HNF4A: variants seen among roughly 807,000 people sequenced by gnomAD.
The protein encoded by HNF4A is hepatocyte nuclear factor 4 alpha, also known as hepatocyte nuclear factor 4-alpha.
Under a neutral mutation model 52.4 loss-of-function variants are expected in HNF4A, and 15 were observed. The observed-to-expected ratio is 0.29, with a 90% CI of 0.19 to 0.44. The LOEUF (loss-of-function observed/expected upper bound fraction) is 0.44. HNF4A is among the 20% of genes least tolerant of loss of function. The pLI is 1.00. For synonymous variants in HNF4A, 280 were observed against 264.4 expected, an observed-to-expected ratio of 1.06 and a Z score of -0.57; for missense variants, 479 against 647.2, an observed-to-expected ratio of 0.74 and a Z score of 2.82.
chr20:44,429,791 G>A lies in HNF4A; in HGVS notation c.*126G>A, dbSNP rs2063856962. On this transcript the variant is annotated 3_prime_UTR_variant, in exon 10 of 10. Transcript: ENST00000316099. ...CCAGTCCCAGAGCAGGAATGGGAAG[G>A]ATGAAGGGCCCGAGAACATGGCCTA... is the stretch of plus-strand genomic sequence containing the variant. 6 of 1,005,828 alleles carry A rather than the reference G, an allele frequency of 6.0e-6. No individual in the cohort carries two copies. Among genetic ancestry groups the A allele is most frequent in the Non-Finnish European group, 9.1e-6 (6 of 661,542 alleles). 62.3% of individuals were successfully genotyped at this position (1,005,828 alleles called of 1,614,324 possible).
At chr20:44,415,851 A>T (rs1349519361) in intron 5 of HNF4A, among the ~76,000 whole-genome samples, 1 of 152,070 alleles carries the variant, frequency 6.6e-6, no homozygotes, top group Non-Finnish European at 1.5e-5. Flanking sequence ...TCCTTCCATT[A>T]GCAGAGTCGA....
chr20:44,408,000 CAA>C, intron 3 of HNF4A: 2 of 225,786 alleles, frequency 8.9e-6, no homozygotes, highest in South Asian at 1.5e-4. Context: ...AAAATGGGAA[CAA>C]GACCCCAGAC....
At chr20:44,411,881 C>A (rs558930581) in intron 3 of HNF4A, among the ~76,000 whole-genome samples, 3 of 150,670 alleles carry the variant, frequency 2.0e-5, no homozygotes, top group Non-Finnish European at 2.9e-5. Context: ...CCTAATGAGA[C>A]CCCGTCTCTC....
chr20:44,398,702 T>C (rs1002382079), upstream of HNF4A, among the ~76,000 whole-genome samples: 1 of 152,234 alleles, frequency 6.6e-6, no homozygotes, highest in Admixed American at 6.5e-5. Flanking sequence ...AGGTATGTCA[T>C]GATTCATGTA....
At position 44,407,441 on chromosome 20, in the gene HNF4A, C is replaced by G; in HGVS notation, c.351C>G (p.Leu117=). 6.2e-7 allele frequency: 1 copy of G among 1,608,956 alleles called. No individual in the cohort carries two copies. The highest frequency in any genetic ancestry group is 8.5e-7 in the Non-Finnish European group (1 of 1,177,380). ...GGAACCAGTGCCGCTACTGCAGGCT[C>G]AAGAAATGCTTCCGGGCTGGCATGA... is the stretch of plus-strand genomic sequence containing the variant. Residue 117 remains leucine, a synonymous_variant, in exon 3 of 10, where the codon CTC becomes CTG. Coordinates refer to ENST00000316099, the MANE Select transcript of HNF4A (RefSeq NM_000457.6).
chr20:44,374,578 C>G (rs1179358790), intron 1 of HNF4A, among the ~76,000 whole-genome samples: 1 of 152,196 alleles, frequency 6.6e-6, no homozygotes, highest in Non-Finnish European at 1.5e-5. Flanking sequence ...ATTCTCCTGT[C>G]TCAGCCTCCC....
At chr20:44,399,070 G>A (rs2063378765), upstream of HNF4A, among the ~76,000 whole-genome samples, 2 of 152,310 alleles carry the variant, frequency 1.3e-5, no homozygotes, top group South Asian at 4.1e-4. Flanking sequence ...TCTCTTCTGT[G>A]TTTACCCCTT....
Position 44,358,408 on chromosome 20 carries a change from G to A in HNF4A, c.49+2555G>A, listed in dbSNP as rs181369626. On this transcript the variant is annotated intron_variant, in intron 1 of 9. Coordinates refer to the HNF4A transcript ENST00000316673. ...GCAGATAACTTGAGATTAGGAGTTC[G>A]AGACCAGCCTGGCCAACATGGCAAA... Among the ~76,000 whole-genome samples, 1,319 of 152,054 alleles carry A rather than the reference G, an allele frequency of 8.7e-3. 26 individuals are homozygous for A. The highest frequency in any genetic ancestry group is 0.031 in the African/African-American group (1,267 of 41,488).
rs1280663753 is a variant in HNF4A at position 44,414,547 on chromosome 20, CGAA to C, written c.539_541del (p.Lys180del). The C allele has an allele frequency of 1.2e-6, 2 of 1,614,216 alleles. No individual in the cohort carries two copies. Among genetic ancestry groups the C allele is most frequent in the Admixed American group, 3.3e-5 (2 of 60,030 alleles). On this transcript the variant is annotated inframe_deletion, in exon 5 of 10. Coordinates refer to ENST00000316099, the MANE Select transcript of HNF4A (RefSeq NM_000457.6). The stretch of plus-strand genomic sequence containing the variant: ...TCCGGGATCAACGGCGACATTCGGG[CGAA>C]GAAGATTGCCAGCATCGCAGATGTG...
chr20:44,415,222 G>C (rs1329502447), intron 5 of HNF4A, among the ~76,000 whole-genome samples: 1 of 152,166 alleles, frequency 6.6e-6, no homozygotes, highest in Non-Finnish European at 1.5e-5. Flanking sequence ...GAGGACATTG[G>C]TGTCTGAAAA....
At chr20:44,400,034 G>A (rs1405549383), upstream of HNF4A, among the ~76,000 whole-genome samples, 2 of 152,200 alleles carry the variant, frequency 1.3e-5, no homozygotes, top group East Asian at 3.9e-4. Flanking sequence ...CCTTGAAAAT[G>A]TCTGCACAGA....
rs1442032000 is a variant in HNF4A at position 44,432,108 on chromosome 20, CCT to C, written c.*2446_*2447del. ...CCTCCTCCCTCCAGCGTTGCTCAGACCTCTGTCTTGGGAGAAAGGTTGAGATA... is the reference window on the plus strand; with the variant it reads ...CCTCCTCCCTCCAGCGTTGCTCAGACCTGTCTTGGGAGAAAGGTTGAGATA... On this transcript the variant is annotated 3_prime_UTR_variant, in exon 10 of 10. Transcript: ENST00000316099. 6.6e-6 allele frequency: 1 copy of C among 152,178 alleles called. No individual in the cohort carries two copies. The highest frequency in any genetic ancestry group is 6.5e-5 in the Admixed American group (1 of 15,284). The allele number at this position is 152,178 out of a possible 1,614,324, so 9.4% of individuals were successfully genotyped here. A position where few individuals can be genotyped will look rare whatever the true frequency, so the allele number is the denominator to read the frequency against.
Position 44,425,481 on chromosome 20 carries a change from G to C in HNF4A, c.1129+1227G>C, listed in dbSNP as rs1276515188. On this transcript the variant is annotated intron_variant, in intron 8 of 9. Transcript: ENST00000316099. The stretch of plus-strand genomic sequence containing the variant: ...TGCTGATTGATCAGACATAGGGAGT[G>C]AGAGAAAGAGGAAGAGTCAAGGACA... 3.3e-5 allele frequency among the ~76,000 whole-genome samples: 5 copies of C among 152,178 alleles called. No individual in the cohort carries two copies. The East Asian group carries it at 9.6e-4, about 29-fold the overall frequency.
At chr20:44,378,587 G>A (rs368506239) in intron 1 of HNF4A, among the ~76,000 whole-genome samples, 2 of 151,900 alleles carry the variant, frequency 1.3e-5, no homozygotes, top group Non-Finnish European at 2.9e-5. Flanking sequence ...TAAACGTACA[G>A]TTCAGAGACA....
chr20:44,401,153 C>T (rs1042019284), upstream of HNF4A: 76 of 1,391,646 alleles, frequency 5.5e-5, 1 homozygote, highest in African/African-American at 1.7e-4. Context: ...GCCTATCCAC[C>T]GGCGGGGGAC....
chr20:44,357,612 T>C (rs1038749330), intron 1 of HNF4A, among the ~76,000 whole-genome samples: 1 of 152,166 alleles, frequency 6.6e-6, no homozygotes, highest in Non-Finnish European at 1.5e-5. Flanking sequence ...TAGGATGTCC[T>C]CATGTCTCTT....
At chr20:44,412,866 A>G (rs1266075893) in intron 3 of HNF4A, among the ~76,000 whole-genome samples, 1 of 152,080 alleles carries the variant, frequency 6.6e-6, no homozygotes, top group African/African-American at 2.4e-5. Context: ...AGGGAAACTG[A>G]GCCCCAGAGA....
chr20:44,395,863 T>A (rs1425803086), intron 1 of HNF4A, among the ~76,000 whole-genome samples: 1 of 151,880 alleles, frequency 6.6e-6, no homozygotes, highest in Non-Finnish European at 1.5e-5. Flanking sequence ...GAGTGGTGGG[T>A]GGGGAAGAAA....
At chr20:44,416,674 A>G (rs558954119) in intron 5 of HNF4A, among the ~76,000 whole-genome samples, 2 of 152,360 alleles carry the variant, frequency 1.3e-5, no homozygotes, top group Non-Finnish European at 1.5e-5. Flanking sequence ...AGGAGCAGCT[A>G]GAGCTAGAGA....
Sources: gnomAD v4.1 joint callset for allele counts (sites outside exome capture counted in the v4.1 genomes callset) on GRCh38, gnomAD v4.1.1 for gene constraint, MANE v1.5 for transcripts, NCBI Gene and HGNC (gene_info 2026-07-23, HGNC 2026-07-21) for gene names.